AP3B1: variants seen among roughly 807,000 people sequenced by gnomAD.
AP3B1 encodes adaptor related protein complex 3 subunit beta 1, also known as AP-3 complex subunit beta-1.
Under a neutral mutation model 132.5 loss-of-function variants are expected in AP3B1, and 61 were observed. The observed-to-expected ratio is 0.46, with a 90% CI of 0.37 to 0.57. The LOEUF (loss-of-function observed/expected upper bound fraction) is 0.57, where lower values mean the gene tolerates loss of function less well. Ranked by LOEUF, AP3B1 falls within the 20% of genes least tolerant of loss-of-function variation. The probability of loss-of-function intolerance (pLI) is 0.00; values close to 1 mark genes in which losing one functional copy is unlikely to be tolerated. For synonymous variants in AP3B1, 388 were observed against 438.3 expected, an observed-to-expected ratio of 0.89 and a Z score of 1.43; for missense variants, 1,120 against 1,289.4, an observed-to-expected ratio of 0.87 and a Z score of 2.01.
chr5:78,194,369 TA>T (rs1402746261), intron 7 of AP3B1, among the ~76,000 whole-genome samples: 2 of 152,116 alleles, frequency 1.3e-5, no homozygotes, highest in African/African-American at 4.8e-5. Context: ...TGAAAAGGTT[TA>T]AAAAAATCAA....
chr5:78,192,504 T>C (rs1744883207), intron 7 of AP3B1, among the ~76,000 whole-genome samples: 1 of 151,920 alleles, frequency 6.6e-6, no homozygotes, highest in East Asian at 1.9e-4. Flanking sequence ...TAGCCACACA[T>C]GGTGGCACAC....
intron 2 of AP3B1, among the ~76,000 whole-genome samples, chr5:78,267,141 G>A (rs1316358390): frequency 1.3e-5 from 2 of 151,850 alleles, no homozygotes; most frequent in South Asian, 2.1e-4. Flanking sequence ...AGTATGCTCA[G>A]AACATTTAGG....
At chr5:78,248,160 C>A (rs555165891) in intron 2 of AP3B1, among the ~76,000 whole-genome samples, 13 of 152,216 alleles carry the variant, frequency 8.5e-5, no homozygotes, top group Non-Finnish European at 1.9e-4. Flanking sequence ...AAACCTTACA[C>A]AGTCTACTTA....
At chr5:78,121,028 G>T (rs546874042) in intron 17 of AP3B1, among the ~76,000 whole-genome samples, 1 of 152,146 alleles carries the variant, frequency 6.6e-6, no homozygotes, top group Non-Finnish European at 1.5e-5. Flanking sequence ...TAGAACTCAG[G>T]ATTAAGAAAC....
chr5:78,082,763 T>C (rs1750070323), intron 22 of AP3B1, among the ~76,000 whole-genome samples: 1 of 152,094 alleles, frequency 6.6e-6, no homozygotes, highest in Admixed American at 6.5e-5. Flanking sequence ...TGTTAAAGAA[T>C]CACAGATAGT....
At chr5:78,240,689 T>A (rs996466018) in intron 3 of AP3B1, among the ~76,000 whole-genome samples, 173 bp downstream of exon 3, 1 of 152,214 alleles carries the variant, frequency 6.6e-6, no homozygotes, top group Non-Finnish European at 1.5e-5. Context: ...AATCCAAAGC[T>A]AGGATTGTGC....
Position 78,002,435 on chromosome 5 carries a change from G to A in AP3B1, c.*467C>T, listed in dbSNP as rs1266818201. 1 of 403,650 alleles carries A rather than the reference G, an allele frequency of 2.5e-6. No homozygotes were observed. Among genetic ancestry groups the A allele is most frequent in the Non-Finnish European group, 4.4e-6 (1 of 229,490 alleles). 25.0% of individuals were successfully genotyped at this position (403,650 alleles called of 1,614,324 possible). ...GAAATTCAAAGAACAAAATCTTGCA[G>A]AGACTATGCTTTTGTATTTGGATTT... is the stretch of plus-strand genomic sequence containing the variant. On this transcript the variant is annotated 3_prime_UTR_variant, in exon 27 of 27. Coordinates refer to ENST00000255194, the MANE Select transcript of AP3B1 (RefSeq NM_003664.5).
intron 20 of AP3B1, among the ~76,000 whole-genome samples, chr5:78,106,236 T>C (rs1751328409): frequency 1.3e-5 from 2 of 152,030 alleles, no homozygotes. Flanking sequence ...GGTGGGTGGA[T>C]CGCTTGAGCC....
At chr5:78,077,943 A>G (rs1227725280) in intron 22 of AP3B1, among the ~76,000 whole-genome samples, 4 of 152,190 alleles carry the variant, frequency 2.6e-5, no homozygotes, top group Non-Finnish European at 5.9e-5. Flanking sequence ...CTTCTAAAGC[A>G]TGATGTTCCC....
At chr5:78,292,855 G>A (rs1191246233) in intron 1 of AP3B1, among the ~76,000 whole-genome samples, 2 of 151,662 alleles carry the variant, frequency 1.3e-5, no homozygotes, top group East Asian at 3.9e-4. Context: ...TCCAAATCAG[G>A]TCCAAATTTG....
chr5:78,187,456 C>T lies in AP3B1; in HGVS notation c.787-5794G>A, dbSNP rs543870671. On this transcript the variant is annotated intron_variant, in intron 7 of 26. Transcript: ENST00000255194. ...TTCTTCCTCATTGTTAATTAACATA[C>T]TGAGTTCAATTACATTATTTTAATG... Among the ~76,000 whole-genome samples the T allele has an allele frequency of 2.0e-5, 3 of 152,234 alleles. No homozygotes were observed. The South Asian group carries it at 6.2e-4, about 32-fold the overall frequency.
At chr5:78,267,661 C>A in intron 1 of AP3B1, 66 bp from the exon 2 acceptor site, 3 of 987,468 alleles carry the variant, frequency 3.0e-6, no homozygotes, top group Non-Finnish European at 3.1e-6. Context: ...TAAAATATAT[C>A]ATTTTCATAA....
At chr5:78,166,417 C>G (rs1298678692) in intron 11 of AP3B1, among the ~76,000 whole-genome samples, 1 of 152,118 alleles carries the variant, frequency 6.6e-6, no homozygotes, top group Non-Finnish European at 1.5e-5. Flanking sequence ...AATTTGCCCT[C>G]CATGTTAATA....
chr5:78,120,184 A>C lies in AP3B1; in HGVS notation c.1969-3950T>G, dbSNP rs146380152. ...CCCGGCCTGCCCTAAAAGAGCTCCT[A>C]AAGGAAGCACTAAATATGGAAAAGA... On this transcript the variant is annotated intron_variant, in intron 17 of 26. Transcript: ENST00000255194. Among the ~76,000 whole-genome samples, 721 of 152,300 alleles carry C rather than the reference A, an allele frequency of 4.7e-3. 4 individuals are homozygous for C. Among genetic ancestry groups the C allele is most frequent in the African/African-American group, 0.016 (672 of 41,556 alleles).
At chr5:78,164,122 AG>A (rs1022949084) in intron 12 of AP3B1, among the ~76,000 whole-genome samples, 3 of 152,142 alleles carry the variant, frequency 2.0e-5, no homozygotes, top group Non-Finnish European at 4.4e-5. Flanking sequence ...TATATTTAAA[AG>A]TGTTCCCAAA....
At chr5:78,150,955 G>C (rs112821888) in intron 14 of AP3B1, among the ~76,000 whole-genome samples, 12,749 of 151,962 alleles carry the variant, frequency 0.084, 750 homozygotes, top group Non-Finnish European at 0.13. Flanking sequence ...GTCTCGCTCT[G>C]TCACCCAGAC....
At chr5:78,131,717 ACAACCTCTTGATTAAATCTTGAG>A (rs1054751665) in intron 15 of AP3B1, among the ~76,000 whole-genome samples, 7 of 152,138 alleles carry the variant, frequency 4.6e-5, no homozygotes, top group Non-Finnish European at 8.8e-5. Context: ...AGTGCAAATG[ACAACCTCTTGATTAAATCTTGAG>A]CTCTCACCAT....
At chr5:78,281,193 G>A (rs1245851658) in intron 1 of AP3B1, among the ~76,000 whole-genome samples, 2 of 152,040 alleles carry the variant, frequency 1.3e-5, no homozygotes, top group Non-Finnish European at 2.9e-5. Context: ...CCAGCACTTT[G>A]GGAGGCCAAG....
At chr5:78,285,166 G>A (rs1360113005) in intron 1 of AP3B1, among the ~76,000 whole-genome samples, 5 of 151,516 alleles carry the variant, frequency 3.3e-5, no homozygotes, top group Admixed American at 6.6e-5. Context: ...GGAGAATGGC[G>A]TGAACCCGGG....
Sources: allele counts gnomAD v4.1 joint callset (sites outside exome capture counted in the v4.1 genomes callset), GRCh38; gene constraint gnomAD v4.1.1; transcripts MANE v1.5; gene names NCBI Gene and HGNC (gene_info 2026-07-23, HGNC 2026-07-21).